AMOTL1: variants seen among roughly 807,000 people sequenced by gnomAD.
AMOTL1 encodes the protein angiomotin-like protein 1.
AMOTL1 carries 45 observed loss-of-function variants against 102.9 expected under a neutral mutation model. The ratio of observed to expected loss-of-function variants is 0.44; its 90% CI spans 0.34 to 0.56. AMOTL1 has a LOEUF of 0.56. AMOTL1 is among the 20% of genes least tolerant of loss of function. The pLI, the probability that AMOTL1 is intolerant of heterozygous loss-of-function variation, is 0.01. For missense variants in AMOTL1, 1,114 were observed against 1,225.6 expected, an observed-to-expected ratio of 0.91 and a Z score of 1.36; for synonymous variants, 481 against 484.7, an observed-to-expected ratio of 0.99 and a Z score of 0.10.
chr11:94,864,357 T>A (rs1201316715), intron 9 of AMOTL1, among the ~76,000 whole-genome samples: 1 of 152,186 alleles, frequency 6.6e-6, no homozygotes, highest in Non-Finnish European at 1.5e-5. Flanking sequence ...ACATACATAA[T>A]GTAGTCAGAA....
chr11:94,756,839 C>A (rs1950731294), intron 3 of AMOTL1, among the ~76,000 whole-genome samples: 1 of 152,206 alleles, frequency 6.6e-6, no homozygotes, highest in African/African-American at 2.4e-5. Context: ...ATGAGCACAT[C>A]ACCTCACATA....
At chr11:94,752,014 A>G (rs1950662259) in intron 3 of AMOTL1, among the ~76,000 whole-genome samples, 1 of 152,170 alleles carries the variant, frequency 6.6e-6, no homozygotes, top group East Asian at 1.9e-4. Context: ...CAAGGATACT[A>G]TGATTATGGT....
intron 3 of AMOTL1, chr11:94,741,117 G>A (rs1049995326): frequency 2.7e-6 from 2 of 736,220 alleles, no homozygotes; most frequent in Admixed American, 2.4e-5. Flanking sequence ...AAAGGGTCAG[G>A]GGACACCTGC....
Position 94,793,017 on chromosome 11 carries a change from T to C in AMOTL1, c.50-1994T>C, listed in dbSNP as rs187494585. The stretch of plus-strand genomic sequence containing the variant: ...CTGGGATCCATACTGAGCTCCACAT[T>C]GAAAGCACACACACACACAGCCCTA... On this transcript the variant is annotated intron_variant, in intron 1 of 12. Transcript: ENST00000433060. Among the ~76,000 whole-genome samples the C allele has an allele frequency of 4.2e-3, 631 of 151,806 alleles. 13 individuals carry two copies. Among genetic ancestry groups the C allele is most frequent in the South Asian group, 0.035 (170 of 4,804 alleles).
Position 94,873,387 on chromosome 11 carries a change from A to G in AMOTL1, c.*2592A>G, listed in dbSNP as rs1258030780. ...CAGGGCACTAAATTCTTTCATCATT[A>G]GAGCTTTCCTGAAGTCCGGCCATAT... On this transcript the variant is annotated 3_prime_UTR_variant, in exon 13 of 13. Coordinates refer to ENST00000433060, the MANE Select transcript of AMOTL1 (RefSeq NM_130847.3). The G allele has an allele frequency of 6.6e-6, 1 of 152,240 alleles. No homozygotes were observed. The highest frequency in any genetic ancestry group is 1.5e-5 in the Non-Finnish European group (1 of 68,046). The allele number at this position is 152,240 out of a possible 1,614,324, so 9.4% of individuals were successfully genotyped here. A position where few individuals can be genotyped will look rare whatever the true frequency, so the allele number is the denominator to read the frequency against.
intron 3 of AMOTL1, among the ~76,000 whole-genome samples, chr11:94,752,463 CCTG>C (rs1426888200): frequency 6.6e-6 from 1 of 152,198 alleles, no homozygotes; most frequent in Admixed American, 6.5e-5. Context: ...TCTCTTGCTG[CCTG>C]CTGCCTGCGG....
chr11:94,727,396 T>C (rs1311838254), intron 1 of AMOTL1, among the ~76,000 whole-genome samples: 1 of 152,164 alleles, frequency 6.6e-6, no homozygotes, highest in Non-Finnish European at 1.5e-5. Context: ...ACTCCAGACA[T>C]GTTTTTAGTT....
At chr11:94,710,249 G>T (rs1382754805) in intron 1 of AMOTL1, among the ~76,000 whole-genome samples, 1 of 152,178 alleles carries the variant, frequency 6.6e-6, no homozygotes, top group East Asian at 1.9e-4. Context: ...CTGGTGGAAA[G>T]CACCTGAAGC....
At chr11:94,732,852 C>T (rs1315819597) in intron 2 of AMOTL1, among the ~76,000 whole-genome samples, 3 of 152,098 alleles carry the variant, frequency 2.0e-5, no homozygotes, top group Admixed American at 6.5e-5. Flanking sequence ...GGGCCAGGTG[C>T]GTCATAGAAA....
intron 3 of AMOTL1, among the ~76,000 whole-genome samples, chr11:94,819,183 G>A: frequency 6.6e-6 from 1 of 152,080 alleles, no homozygotes; most frequent in East Asian, 1.9e-4. Flanking sequence ...ATGCTTTTTT[G>A]GAAAGATGTG....
intron 1 of AMOTL1, among the ~76,000 whole-genome samples, chr11:94,770,045 A>G (rs1950922187): frequency 6.6e-6 from 1 of 152,306 alleles, no homozygotes; most frequent in South Asian, 2.1e-4. Flanking sequence ...AAGGCTTGAA[A>G]TATTAAACAA....
At chr11:94,827,212 G>A (rs1951984702) in intron 4 of AMOTL1, among the ~76,000 whole-genome samples, 1 of 152,166 alleles carries the variant, frequency 6.6e-6, no homozygotes, top group African/African-American at 2.4e-5. Flanking sequence ...TTCCAATGAG[G>A]GAAATACAAC....
intron 6 of AMOTL1, among the ~76,000 whole-genome samples, chr11:94,835,896 C>G (rs935341380): frequency 6.6e-6 from 1 of 152,088 alleles, no homozygotes; most frequent in Admixed American, 6.5e-5. Flanking sequence ...ATTTGATTTC[C>G]CTTAAAATTC....
At chr11:94,791,431 T>C (rs565303299) in intron 1 of AMOTL1, among the ~76,000 whole-genome samples, 3 of 152,328 alleles carry the variant, frequency 2.0e-5, no homozygotes, top group Admixed American at 6.5e-5. Context: ...TTTGCCACTT[T>C]CCCTATGCAT....
chr11:94,820,083 T>A (rs1415974803), intron 3 of AMOTL1, among the ~76,000 whole-genome samples: 1 of 152,166 alleles, frequency 6.6e-6, no homozygotes, highest in East Asian at 1.9e-4. Flanking sequence ...GCAAAACAAA[T>A]CAGTTTCTCC....
intron 1 of AMOTL1, among the ~76,000 whole-genome samples, chr11:94,793,660 G>A (rs999409451): frequency 8.5e-5 from 13 of 152,182 alleles, no homozygotes; most frequent in African/African-American, 2.4e-4. Flanking sequence ...ATTTATAGAC[G>A]TAGAGGATGA....
Position 94,859,633 on chromosome 11 carries a change from A to G in AMOTL1, c.2053A>G (p.Thr685Ala). 3 of 1,613,698 alleles carry G rather than the reference A, an allele frequency of 1.9e-6. No individual in the cohort carries two copies. Among genetic ancestry groups the G allele is most frequent in the Non-Finnish European group, 2.5e-6 (3 of 1,179,772 alleles). ...GATCCTGGCCCTGGAGGCCGACATG[A>G]CAAAGTGGGAGCAGAAGTACCTGGA... ...ERILALEADM[T>A]KWEQKYLEES... Residue 685 changes from threonine (T) to alanine (A), a missense_variant, in exon 9 of 13, where the codon ACA becomes GCA. By Grantham distance (58) the Thr-to-Ala change is moderately conservative. Transcript: ENST00000433060.
intron 3 of AMOTL1, among the ~76,000 whole-genome samples, chr11:94,802,963 G>A (rs760052266): frequency 4.5e-4 from 68 of 152,180 alleles, no homozygotes; most frequent in Admixed American, 2.6e-4. Flanking sequence ...GTCATTGATC[G>A]TGATGGTTTA....
At chr11:94,808,268 G>A (rs1352506138) in intron 3 of AMOTL1, among the ~76,000 whole-genome samples, 1 of 151,558 alleles carries the variant, frequency 6.6e-6, no homozygotes, top group Non-Finnish European at 1.5e-5. Flanking sequence ...AGGCATAAGC[G>A]ACTATTCTTT....
Sources: gnomAD v4.1 joint callset for allele counts (sites outside exome capture counted in the v4.1 genomes callset) on GRCh38, gnomAD v4.1.1 for gene constraint, MANE v1.5 for transcripts, NCBI Gene and HGNC (gene_info 2026-07-23, HGNC 2026-07-21) for gene names.